SLCO3A1: variants seen among roughly 807,000 people sequenced by gnomAD.
SLCO3A1 encodes PGE1 transporter.
A neutral mutation model predicts 63.1 loss-of-function variants in SLCO3A1; 27 were observed. That is an observed-to-expected ratio of 0.43 (90% CI 0.32 to 0.59). The LOEUF is 0.59. SLCO3A1 is among the 20% of genes least tolerant of loss of function. SLCO3A1 has a pLI of 0.09. For missense variants in SLCO3A1, 773 were observed against 945.8 expected (o/e 0.82, Z 2.40); for synonymous variants, 473 against 409.9 (o/e 1.15, Z -1.86).
chr15:92,027,993 C>T (rs1397016064), intron 2 of SLCO3A1, among the ~76,000 whole-genome samples: 1 of 152,208 alleles, frequency 6.6e-6, no homozygotes, highest in Non-Finnish European at 1.5e-5. Context: ...GCGTTCGGCT[C>T]AATCTGCACA....
chr15:91,993,850 G>T (rs1258711664), intron 2 of SLCO3A1, among the ~76,000 whole-genome samples: 1 of 152,184 alleles, frequency 6.6e-6, no homozygotes, highest in African/African-American at 2.4e-5. Flanking sequence ...GCTCTGGAGG[G>T]AAGCTGGTCA....
chr15:91,994,633 CT>C (rs1409958384), intron 2 of SLCO3A1, among the ~76,000 whole-genome samples: 9 of 152,216 alleles, frequency 5.9e-5, no homozygotes, highest in Admixed American at 5.9e-4. Context: ...GAATCCAGTG[CT>C]GTTACCACTC....
intron 1 of SLCO3A1, among the ~76,000 whole-genome samples, chr15:91,902,967 A>C (rs946300812): frequency 6.6e-6 from 1 of 152,240 alleles, no homozygotes; most frequent in East Asian, 1.9e-4. Flanking sequence ...GTAAGAATGA[A>C]ATGGATTCAT....
intron 2 of SLCO3A1, among the ~76,000 whole-genome samples, chr15:92,043,920 C>T (rs1030769098): frequency 2.0e-5 from 3 of 152,130 alleles, no homozygotes; most frequent in African/African-American, 7.2e-5. Flanking sequence ...TTTTTCCATC[C>T]CCCCTGGGAG....
chr15:92,061,301 C>T (rs1482152724), intron 2 of SLCO3A1, among the ~76,000 whole-genome samples: 1 of 152,134 alleles, frequency 6.6e-6, no homozygotes, highest in East Asian at 1.9e-4. Context: ...ATTTCAGGAT[C>T]ACAAATATCA....
chr15:91,911,084 G>A (rs1247158149), intron 1 of SLCO3A1, among the ~76,000 whole-genome samples: 4 of 152,186 alleles, frequency 2.6e-5, no homozygotes, highest in Non-Finnish European at 5.9e-5. Flanking sequence ...CTGTCCTATG[G>A]CAACATAGAC....
intron 4 of SLCO3A1, among the ~76,000 whole-genome samples, chr15:92,113,649 C>T (rs207956): frequency 6.8e-4 from 103 of 152,260 alleles, no homozygotes; most frequent in Non-Finnish European, 1.1e-3. Context: ...CAAGTTCATC[C>T]GCAGCAATGA....
At chr15:91,938,381 G>A (rs749098719) in intron 2 of SLCO3A1, among the ~76,000 whole-genome samples, 9 of 151,996 alleles carry the variant, frequency 5.9e-5, no homozygotes, top group Non-Finnish European at 1.2e-4. Flanking sequence ...GTGATGAGAC[G>A]AAATGGCATT....
intron 2 of SLCO3A1, among the ~76,000 whole-genome samples, chr15:91,918,454 A>G (rs996388848): frequency 6.6e-6 from 1 of 152,156 alleles, no homozygotes; most frequent in South Asian, 2.1e-4. Context: ...AGCCCATGCC[A>G]TGGAGATGAT....
In SLCO3A1 at chr15:92,117,458, T is replaced by A. The variant is rs552764504; in HGVS notation, c.1010-3007T>A. 1.3e-4 allele frequency among the ~76,000 whole-genome samples: 20 copies of A among 152,336 alleles called. No individual in the cohort carries two copies. The East Asian group carries it at 3.7e-3, about 28-fold the overall frequency. On this transcript the variant is annotated intron_variant, in intron 4 of 9. Coordinates refer to ENST00000318445, the MANE Select transcript of SLCO3A1 (RefSeq NM_013272.4). The stretch of plus-strand genomic sequence containing the variant: ...ACGGCAGAGGATCGTTTTCCTGGAA[T>A]GTCCCCAGCCTGCCTATTTGACATT...
chr15:91,954,087 A>G lies in SLCO3A1; in HGVS notation c.646+37629A>G, dbSNP rs1029240996. ...TGTTAGCCATGGGCGATGTCTTCAC[A>G]GAGCATGTAGAAACCCCCACTCATG... On this transcript the variant is annotated intron_variant, in intron 2 of 9. Coordinates refer to ENST00000318445, the MANE Select transcript of SLCO3A1 (RefSeq NM_013272.4). This position sits in a 1 kb window ranked among gnomAD's most constrained non-coding sequence, Gnocchi z 4.7. Among the ~76,000 whole-genome samples, 1 of 152,232 alleles carries G rather than the reference A, an allele frequency of 6.6e-6. No homozygotes were observed. Among genetic ancestry groups the G allele is most frequent in the Non-Finnish European group, 1.5e-5 (1 of 68,048 alleles).
At chr15:92,161,796 T>C (rs1294303868) in intron 9 of SLCO3A1, 1 of 137,774 alleles carries the variant, frequency 7.3e-6, no homozygotes. Flanking sequence ...TGCAGTTTCC[T>C]CTGTAGAACA....
chr15:92,018,759 G>T (rs1291916100), intron 2 of SLCO3A1, among the ~76,000 whole-genome samples: 1 of 152,170 alleles, frequency 6.6e-6, no homozygotes, highest in African/African-American at 2.4e-5. Context: ...CACGGGGTGG[G>T]TTGGAGTGCA....
chr15:91,911,957 A>T (rs1262532605), intron 1 of SLCO3A1, among the ~76,000 whole-genome samples: 1 of 151,328 alleles, frequency 6.6e-6, no homozygotes, highest in East Asian at 1.9e-4. Context: ...TTGCCCCAGG[A>T]CATTCTGAAA....
At chr15:92,072,976 G>A (rs966493385) in intron 2 of SLCO3A1, among the ~76,000 whole-genome samples, 7 of 152,126 alleles carry the variant, frequency 4.6e-5, no homozygotes, top group African/African-American at 1.4e-4. Context: ...AGAGAGAAAG[G>A]GGAGAGCTCT....
At chr15:92,120,321 GCC>G in intron 4 of SLCO3A1, 142 bp from the exon 5 acceptor site, 1 of 766,148 alleles carries the variant, frequency 1.3e-6, no homozygotes, top group Non-Finnish European at 2.1e-6. Flanking sequence ...GTAGATTTTG[GCC>G]TTAGCAACTG....
chr15:92,096,045 T>C (rs963700509), intron 3 of SLCO3A1, among the ~76,000 whole-genome samples: 3 of 152,236 alleles, frequency 2.0e-5, no homozygotes, highest in Admixed American at 6.5e-5. Context: ...TCGTATTTTT[T>C]TCTGTGGGTC....
intron 2 of SLCO3A1, among the ~76,000 whole-genome samples, chr15:91,951,781 C>T (rs753487292): frequency 6.6e-6 from 1 of 152,122 alleles, no homozygotes; most frequent in Non-Finnish European, 1.5e-5. Context: ...TCTTGAACTC[C>T]TGACCTCAAG....
intron 7 of SLCO3A1, among the ~76,000 whole-genome samples, chr15:92,141,647 A>G (rs1596138503): frequency 6.6e-6 from 1 of 152,098 alleles, no homozygotes; most frequent in East Asian, 1.9e-4. Flanking sequence ...CCTTCACATC[A>G]AAGTTGAAAA....
Sources: gnomAD v4.1 joint callset for allele counts (sites outside exome capture counted in the v4.1 genomes callset) on GRCh38, gnomAD v4.1.1 for gene constraint, Gnocchi (gnomAD v3.1) non-coding constraint, MANE v1.5 for transcripts, NCBI Gene and HGNC (gene_info 2026-07-23, HGNC 2026-07-21) for gene names.